Variants in LGALS9 observed in about 807,000 individuals in gnomAD.
LGALS9 encodes the protein galectin 9.
A neutral mutation model predicts 35.9 loss-of-function variants in LGALS9; 26 were observed. The ratio of observed to expected loss-of-function variants is 0.72; its 90% CI spans 0.53 to 1.01. LGALS9 has a LOEUF of 1.01. LGALS9 is among the 50% of genes least tolerant of loss of function. The probability of loss-of-function intolerance (pLI) is 0.00; values close to 1 mark genes in which losing one functional copy is unlikely to be tolerated. For missense variants in LGALS9, 347 were observed against 445.8 expected (o/e 0.78, Z 1.99); for synonymous variants, 149 against 172.2 (o/e 0.87, Z 1.06).
At chr17:27,637,800 T>A (rs201096238) in intron 1 of LGALS9, among the ~76,000 whole-genome samples, 4 of 152,272 alleles carry the variant, frequency 2.6e-5, no homozygotes, top group African/African-American at 7.2e-5. Flanking sequence ...TGGGTCCCTT[T>A]GGTCCCTTGG....
chr17:27,642,131 G>C, intron 3 of LGALS9, 107 bp from the exon 4 acceptor site: 1 of 1,517,556 alleles, frequency 6.6e-7, no homozygotes, highest in East Asian at 2.5e-5. Context: ...CCACACTGAA[G>C]ACCAGACTCA....
intron 2 of LGALS9, among the ~76,000 whole-genome samples, chr17:27,639,175 A>C (rs1305381521): frequency 6.6e-6 from 1 of 152,114 alleles, no homozygotes; most frequent in African/African-American, 2.4e-5. Context: ...GGACACCTAG[A>C]TTCTTGGTGA....
At chr17:27,648,011 G>A (rs980193442) in intron 10 of LGALS9, among the ~76,000 whole-genome samples, 4 of 152,382 alleles carry the variant, frequency 2.6e-5, no homozygotes, top group Admixed American at 1.3e-4. Flanking sequence ...GCAGGCAGGC[G>A]TGCTCCACCC....
Position 27,646,422 on chromosome 17 carries a change from A to C in LGALS9, c.628-125A>C, listed in dbSNP as rs1904946077. 59 of 1,479,704 alleles carry C rather than the reference A, an allele frequency of 4.0e-5. No individual in the cohort carries two copies. In the South Asian group the frequency reaches 6.5e-4, roughly 16 times the overall value. 91.7% of individuals were successfully genotyped at this position (1,479,704 alleles called of 1,614,324 possible). A position where few individuals can be genotyped will look rare whatever the true frequency, so the allele number is the denominator to read the frequency against. Reference sequence around the variant, plus strand: ...AAAAGGGAGGTAGACGGGCGAGTCCAAGGGCCAAAGGCTCACGAGGTCAGC... The same window carrying C: ...AAAAGGGAGGTAGACGGGCGAGTCCCAGGGCCAAAGGCTCACGAGGTCAGC... On this transcript the variant is annotated intron_variant, in intron 7 of 10. Coordinates refer to ENST00000395473, the MANE Select transcript of LGALS9 (RefSeq NM_009587.3).
chr17:27,645,201 G>A, intron 5 of LGALS9, 113 bp from the exon 6 acceptor site: 1 of 1,584,488 alleles, frequency 6.3e-7, no homozygotes. Flanking sequence ...GGAGGTGGGT[G>A]TGTCCGGGGA....
rs1440577468 is a variant in LGALS9, at chr17:27,648,876, T to G, written c.962T>G (p.Val321Gly). The G allele has an allele frequency of 6.2e-7, 1 of 1,613,764 alleles. No homozygotes were observed. The highest frequency in any genetic ancestry group is 2.2e-5 in the East Asian group (1 of 44,886). Residue 321 changes from valine to glycine, a missense_variant, in exon 11 of 11, where the codon GTG becomes GGG. Coordinates refer to ENST00000395473, the MANE Select transcript of LGALS9 (RefSeq NM_009587.3). ...GAAGCTCACTGCCTCAAGGTGGCCG[T>G]GGATGGTCAGCACCTGTTTGAATAC... is the stretch of plus-strand genomic sequence containing the variant. ...LCEAHCLKVAVDGQHLFEYYH... is the reference protein window; with the variant it reads ...LCEAHCLKVAGDGQHLFEYYH...
chr17:27,649,110 C>G lies in LGALS9; in HGVS notation c.*128C>G. On this transcript the variant is annotated 3_prime_UTR_variant, in exon 11 of 11. Coordinates refer to ENST00000395473, the MANE Select transcript of LGALS9 (RefSeq NM_009587.3). ...CTGGGCTTTAATGCAGAGGCCATGT[C>G]CTTGTCTGGTCCTGCTTCTGGCTAC... The G allele has an allele frequency of 6.9e-7, 1 of 1,443,304 alleles. No individual in the cohort carries two copies. The highest frequency in any genetic ancestry group is 9.5e-7 in the Non-Finnish European group (1 of 1,053,408). 89.4% of individuals were successfully genotyped at this position (1,443,304 alleles called of 1,614,324 possible). A position where few individuals can be genotyped will look rare whatever the true frequency, so the allele number is the denominator to read the frequency against.
chr17:27,640,697 A>C lies in LGALS9; in HGVS notation c.257A>C (p.Glu86Ala). 6.2e-7 allele frequency: 1 copy of C among 1,614,230 alleles called. No individual in the cohort carries two copies. The highest frequency in any genetic ancestry group is 8.5e-7 in the Non-Finnish European group (1 of 1,180,038). ...TRQNGSWGPE[E>A]RKTHMPFQKG... is the part of the protein sequence containing the mutation. ...CAGAACGGAAGCTGGGGGCCCGAGG[A>C]GAGGAAGACACACATGCCTTTCCAG... Residue 86 changes from glutamate (E) to alanine (A), a missense_variant, in exon 3 of 11, where the codon GAG becomes GCG. Physicochemically the swap from Glu to Ala is moderately radical, Grantham distance 107. Coordinates refer to ENST00000395473, the MANE Select transcript of LGALS9 (RefSeq NM_009587.3).
At chr17:27,632,999 C>A (rs1268100069) in intron 1 of LGALS9, among the ~76,000 whole-genome samples, 1 of 152,186 alleles carries the variant, frequency 6.6e-6, no homozygotes, top group Non-Finnish European at 1.5e-5. Context: ...TCTTGTCTGG[C>A]CTCATCTAGC....
At chr17:27,635,155 A>T (rs2074432843) in intron 1 of LGALS9, among the ~76,000 whole-genome samples, 1 of 152,178 alleles carries the variant, frequency 6.6e-6, no homozygotes, top group Admixed American at 6.5e-5. Context: ...TTCAATTTAA[A>T]AACTCATTTT....
intron 8 of LGALS9, 106 bp downstream of exon 8, chr17:27,646,694 C>T: frequency 6.4e-7 from 1 of 1,564,272 alleles, no homozygotes; most frequent in Non-Finnish European, 8.8e-7. Context: ...TAAAAGCAGT[C>T]ATTTGTTAAG....
In LGALS9 at chr17:27,640,734, C is replaced by G; in HGVS notation, c.294C>G (p.Pro98=). The part of the protein sequence containing the change: ...KTHMPFQKGM[P]FDLCFLVQSS... ...ACATGCCTTTCCAGAAGGGGATGCC[C>G]TTTGACCTCTGCTTCCTGGTGCAGA... The change falls in exon 3 of 11, where the codon CCC becomes CCG. Residue 98 remains proline, a synonymous_variant. Transcript: ENST00000395473. 1 of 1,614,210 alleles carries G rather than the reference C, an allele frequency of 6.2e-7. No individual in the cohort carries two copies. Among genetic ancestry groups the G allele is most frequent in the Non-Finnish European group, 8.5e-7 (1 of 1,180,038 alleles).
chr17:27,645,109 C>T (rs1425259041), intron 5 of LGALS9: 1 of 922,766 alleles, frequency 1.1e-6, no homozygotes, highest in Non-Finnish European at 1.7e-6. Context: ...GGATACCCTA[C>T]CCCCCAACCC....
At chr17:27,639,160 A>T (rs2074488183) in intron 2 of LGALS9, among the ~76,000 whole-genome samples, 1 of 152,122 alleles carries the variant, frequency 6.6e-6, no homozygotes, top group Non-Finnish European at 1.5e-5. Flanking sequence ...GCTAAACCTC[A>T]GCTTGGACAC....
Position 27,640,624 on chromosome 17 carries a change from T to G in LGALS9, c.184T>G (p.Phe62Val). Reference sequence around the variant, plus strand: ...CAGTGGAAATGACATTGCCTTCCACTTCAACCCTCGGTTTGAAGATGGAGG... The same window carrying G: ...CAGTGGAAATGACATTGCCTTCCACGTCAACCCTCGGTTTGAAGATGGAGG... ...GFSGNDIAFH[F>V]NPRFEDGGYV... Residue 62 changes from phenylalanine to valine, a missense_variant, in exon 3 of 11, where the codon TTC becomes GTC. By Grantham distance (50) the Phe-to-Val change is conservative (BLOSUM62 -1). Coordinates refer to ENST00000395473, the MANE Select transcript of LGALS9 (RefSeq NM_009587.3). 1.2e-6 allele frequency: 2 copies of G among 1,614,168 alleles called. No homozygotes were observed. Among genetic ancestry groups the G allele is most frequent in the Non-Finnish European group, 1.7e-6 (2 of 1,179,986 alleles).
chr17:27,643,185 C>T (rs1904650207), intron 4 of LGALS9, among the ~76,000 whole-genome samples: 1 of 152,222 alleles, frequency 6.6e-6, no homozygotes, highest in Non-Finnish European at 1.5e-5. Flanking sequence ...CTGCTGTTAC[C>T]CTTTTGGCAT....
At chr17:27,638,149 A>G (rs1449504745) in intron 1 of LGALS9, 114 bp from the exon 2 acceptor site, 6 of 849,524 alleles carry the variant, frequency 7.1e-6, no homozygotes, top group Non-Finnish European at 1.2e-5. Context: ...TCACAGCCGC[A>G]CCCTATCCCC....
At chr17:27,645,804 G>A (rs565499715) in intron 6 of LGALS9, 57 bp from the exon 7 acceptor site, 437 of 1,434,718 alleles carry the variant, frequency 3.0e-4, no homozygotes, top group Admixed American at 6.5e-4. Context: ...CCCTCTGGTG[G>A]GAGCTGGTGG....
Position 27,649,141 on chromosome 17 carries a change from C to A in LGALS9, c.*159C>A. 1 of 1,197,250 alleles carries A rather than the reference C, an allele frequency of 8.4e-7. No homozygotes were observed. Among genetic ancestry groups the A allele is most frequent in the South Asian group, 1.5e-5 (1 of 66,634 alleles). 74.2% of individuals were successfully genotyped at this position (1,197,250 alleles called of 1,614,324 possible). Reference sequence around the variant, plus strand: ...CTGGTCCTGCTTCTGGCTACAGCCACCCTGGAACGGAGAAGGCAGCTGACG... The same window carrying A: ...CTGGTCCTGCTTCTGGCTACAGCCAACCTGGAACGGAGAAGGCAGCTGACG... On this transcript the variant is annotated 3_prime_UTR_variant, in exon 11 of 11. Transcript: ENST00000395473.
Sources: gnomAD v4.1 joint callset for allele counts (sites outside exome capture counted in the v4.1 genomes callset) on GRCh38, gnomAD v4.1.1 for gene constraint, MANE v1.5 for transcripts, NCBI Gene and HGNC (gene_info 2026-07-23, HGNC 2026-07-21) for gene names.